TAFA5: variants seen among roughly 807,000 people sequenced by gnomAD.
TAFA5 encodes TAFA chemokine like family member 5.
TAFA5 carries 6 observed loss-of-function variants against 15.3 expected under a neutral mutation model. That is an observed-to-expected ratio of 0.39 (90% confidence interval 0.21 to 0.77). The LOEUF is 0.77. Ranked by LOEUF, TAFA5 falls within the 30% of genes least tolerant of loss-of-function variation. TAFA5 has a pLI of 0.41. For missense variants in TAFA5, 161 were observed against 193.1 expected, an observed-to-expected ratio of 0.83 and a Z score of 0.98; for synonymous variants, 103 against 80.7, an observed-to-expected ratio of 1.28 and a Z score of -1.48.
chr22:48,562,932 T>A (rs949559114), intron 1 of TAFA5, among the ~76,000 whole-genome samples: 1 of 152,224 alleles, frequency 6.6e-6, no homozygotes, highest in African/African-American at 2.4e-5. Flanking sequence ...GATGCCCGTC[T>A]GTGCGGAGGC....
intron 1 of TAFA5, among the ~76,000 whole-genome samples, chr22:48,519,340 A>G (rs1921524964): frequency 6.6e-6 from 1 of 152,240 alleles, no homozygotes; most frequent in African/African-American, 2.4e-5. Flanking sequence ...TCTGGAGCCT[A>G]ATGCCCTAAT....
chr22:48,671,513 C>A (rs981958763), intron 2 of TAFA5, among the ~76,000 whole-genome samples: 2 of 152,228 alleles, frequency 1.3e-5, no homozygotes, highest in Non-Finnish European at 2.9e-5. Flanking sequence ...TCATCCCAAC[C>A]AAGCCATCCA....
In TAFA5 at chr22:48,552,398, C is replaced by T. The variant is rs912465802; in HGVS notation, c.112+62694C>T. Among the ~76,000 whole-genome samples the T allele has an allele frequency of 7.9e-5, 12 of 152,132 alleles. No individual in the cohort carries two copies. Among genetic ancestry groups the T allele is most frequent in the Non-Finnish European group, 1.8e-4 (12 of 68,010 alleles). ...AGGGGGTCCCGTTTAGGAAACAAAT[C>T]CCTCTGCTGATGTAGCTGCTGGCTG... On this transcript the variant is annotated intron_variant, in intron 1 of 3. Transcript: ENST00000402357. This position sits in a 1 kb window ranked among gnomAD's most constrained non-coding sequence, Gnocchi z 4.1.
intron 1 of TAFA5, among the ~76,000 whole-genome samples, chr22:48,636,792 C>G (rs1569058195): frequency 6.6e-6 from 1 of 152,206 alleles, no homozygotes; most frequent in African/African-American, 2.4e-5. Context: ...TGGGTGTGGG[C>G]TGGTGCCCTG....
intron 1 of TAFA5, among the ~76,000 whole-genome samples, chr22:48,622,181 T>C (rs554095237): frequency 1.9e-4 from 29 of 152,104 alleles, no homozygotes; most frequent in Middle Eastern, 3.4e-3. Flanking sequence ...CTTGACACCA[T>C]GTGGTATTCA....
intron 3 of TAFA5, among the ~76,000 whole-genome samples, chr22:48,738,621 TC>T (rs1930097396): frequency 6.6e-6 from 1 of 152,156 alleles, no homozygotes; most frequent in South Asian, 2.1e-4. Flanking sequence ...GCGCCAATAA[TC>T]ACATTATTAA....
chr22:48,709,877 G>A (rs1358107046), intron 3 of TAFA5, among the ~76,000 whole-genome samples: 1 of 152,250 alleles, frequency 6.6e-6, no homozygotes, highest in Admixed American at 6.5e-5. Context: ...AGGCATCGAG[G>A]TGCTTGTCAG....
rs1184660045 is a variant in TAFA5, at chr22:48,749,908, A to T, written c.*61A>T. 1.6e-5 allele frequency: 23 copies of T among 1,478,536 alleles called. No individual in the cohort carries two copies. In the African/African-American group the frequency reaches 2.6e-4, roughly 17 times the overall value. 91.6% of individuals were successfully genotyped at this position (1,478,536 alleles called of 1,614,324 possible). A position where few individuals can be genotyped will look rare whatever the true frequency, so the allele number is the denominator to read the frequency against. Reference sequence around the variant, plus strand: ...TGGCTCCCTGGAGAGCCCACGTCTCAGCCACAGTTCTCCACTCGCCTCGGA... The same window carrying T: ...TGGCTCCCTGGAGAGCCCACGTCTCTGCCACAGTTCTCCACTCGCCTCGGA... On this transcript the variant is annotated 3_prime_UTR_variant, in exon 4 of 4. Coordinates refer to ENST00000402357, the MANE Select transcript of TAFA5 (RefSeq NM_001082967.3).
intron 1 of TAFA5, among the ~76,000 whole-genome samples, chr22:48,555,279 C>G (rs779700801): frequency 1.3e-5 from 2 of 152,216 alleles, no homozygotes; most frequent in Non-Finnish European, 1.5e-5. Flanking sequence ...CTAAGCGGCA[C>G]GACCGGCTTC....
intron 1 of TAFA5, among the ~76,000 whole-genome samples, chr22:48,617,799 G>A (rs531286470): frequency 9.9e-5 from 15 of 152,180 alleles, no homozygotes; most frequent in South Asian, 6.2e-4. Flanking sequence ...CTGAGAAGAC[G>A]GAGCAGGGCC....
intron 3 of TAFA5, among the ~76,000 whole-genome samples, chr22:48,730,440 G>A (rs1361409931): frequency 5.3e-5 from 8 of 152,066 alleles, no homozygotes; most frequent in Non-Finnish European, 1.2e-4. Context: ...GCCAACATGA[G>A]CAACAAAAGT....
chr22:48,569,959 C>A (rs73425926), intron 1 of TAFA5, among the ~76,000 whole-genome samples: 2 of 152,348 alleles, frequency 1.3e-5, no homozygotes, highest in South Asian at 4.1e-4. Flanking sequence ...CCAGTGCCCC[C>A]GCACACATAG....
chr22:48,661,877 A>G (rs924571366), intron 2 of TAFA5, among the ~76,000 whole-genome samples: 4 of 151,166 alleles, frequency 2.6e-5, no homozygotes, highest in African/African-American at 4.9e-5. Flanking sequence ...CTGGGGGCTC[A>G]TTGGGGTGCC....
chr22:48,632,156 C>T (rs1454192788), intron 1 of TAFA5, among the ~76,000 whole-genome samples: 2 of 152,180 alleles, frequency 1.3e-5, no homozygotes, highest in Non-Finnish European at 2.9e-5. Context: ...TTCCTGTGGG[C>T]CCAGGGAGAC....
chr22:48,731,917 T>G (rs1400934347), intron 3 of TAFA5, among the ~76,000 whole-genome samples: 2 of 152,236 alleles, frequency 1.3e-5, no homozygotes, highest in African/African-American at 4.8e-5. Flanking sequence ...TAGATCATGA[T>G]TCCTCTGATG....
chr22:48,741,689 C>T (rs190924117), intron 3 of TAFA5, among the ~76,000 whole-genome samples: 1 of 152,034 alleles, frequency 6.6e-6, no homozygotes, highest in African/African-American at 2.4e-5. Flanking sequence ...TGTGCAGACT[C>T]AGAGATGCCA....
chr22:48,664,199 C>T (rs974929559), intron 2 of TAFA5, among the ~76,000 whole-genome samples: 1 of 152,192 alleles, frequency 6.6e-6, no homozygotes, highest in South Asian at 2.1e-4. Context: ...GGGTTTGGTA[C>T]TCTCTGCCGT....
rs1016327495 is a variant in TAFA5, at chr22:48,566,278, G to T, written c.112+76574G>T. On this transcript the variant is annotated intron_variant, in intron 1 of 3. Transcript: ENST00000402357. The surrounding 1 kb of genome is among the most constrained non-coding windows in gnomAD (Gnocchi z 4.5). ...GATGGATGATGGGTGATGAATGTAT[G>T]ATGGGTGGATGAAAGATGGATGGAT... Among the ~76,000 whole-genome samples the T allele has an allele frequency of 1.3e-5, 2 of 150,208 alleles. No individual in the cohort carries two copies. Among genetic ancestry groups the T allele is most frequent in the South Asian group, 4.3e-4 (2 of 4,666 alleles).
intron 1 of TAFA5, among the ~76,000 whole-genome samples, chr22:48,608,906 A>C (rs1384691814): frequency 6.6e-6 from 1 of 152,226 alleles, no homozygotes; most frequent in East Asian, 1.9e-4. Context: ...GCTGTAGCGG[A>C]ATAGGGCCAT....
Sources: allele counts gnomAD v4.1 joint callset (sites outside exome capture counted in the v4.1 genomes callset), GRCh38; gene constraint gnomAD v4.1.1; non-coding constraint Gnocchi (gnomAD v3.1); transcripts MANE v1.5; gene names NCBI Gene and HGNC (gene_info 2026-07-23, HGNC 2026-07-21).